The following FRMD3 variants were observed in gnomAD, a reference collection of about 807,000 sequenced individuals.
The protein encoded by FRMD3 is FERM domain containing 3.
In FRMD3, 33 loss-of-function variants were observed where a neutral mutation model predicts 70.2. That is an observed-to-expected ratio of 0.47 (90% CI 0.36 to 0.63). The LOEUF (loss-of-function observed/expected upper bound fraction) is 0.63. FRMD3 is among the 20% of genes least tolerant of loss of function. FRMD3 has a pLI of 0.00. For missense variants in FRMD3, 632 were observed against 711.4 expected (o/e 0.89, Z 1.27); for synonymous variants, 279 against 255.9 (o/e 1.09, Z -0.86).
chr9:83,385,270 A>G (rs1322167902), intron 2 of FRMD3, among the ~76,000 whole-genome samples: 1 of 152,158 alleles, frequency 6.6e-6, no homozygotes, highest in Non-Finnish European at 1.5e-5. Flanking sequence ...TTTCTCTATC[A>G]GTAAAATGGA....
intron 6 of FRMD3, 84 bp downstream of exon 6, chr9:83,335,432 C>T: frequency 7.2e-7 from 1 of 1,388,312 alleles, no homozygotes; most frequent in Non-Finnish European, 9.9e-7. Context: ...AATATTCCTC[C>T]TTCACGATGT....
At chr9:83,492,186 G>T (rs1828842146) in intron 1 of FRMD3, among the ~76,000 whole-genome samples, 1 of 152,158 alleles carries the variant, frequency 6.6e-6, no homozygotes, top group Non-Finnish European at 1.5e-5. Context: ...CCTAACAGAG[G>T]ATGATTTGAT....
chr9:83,435,660 T>G (rs571093575), intron 1 of FRMD3, among the ~76,000 whole-genome samples: 1 of 152,270 alleles, frequency 6.6e-6, no homozygotes, highest in East Asian at 1.9e-4. Context: ...AACCTTTTGT[T>G]TTGTTCCAGT....
At position 83,248,305 on chromosome 9, in the gene FRMD3, ACAGT is replaced by A. The variant is rs1161722686; in HGVS notation, c.1403_1406del (p.Asp468ValfsTer26). 2 of 1,614,192 alleles carry A rather than the reference ACAGT, an allele frequency of 1.2e-6. No individual in the cohort carries two copies. Among genetic ancestry groups the A allele is most frequent in the South Asian group, 2.2e-5 (2 of 91,078 alleles). ...CTCTTTCCAACTCAAGCCTAGAAGG[ACAGT>A]CAAAGAGCATGTCAATCTCATCGTC... On this transcript the variant is annotated frameshift_variant, in exon 14 of 14. Transcript: ENST00000304195. LOFTEE classifies it high-confidence loss of function.
intron 1 of FRMD3, among the ~76,000 whole-genome samples, chr9:83,445,283 G>A (rs557275253): frequency 5.8e-4 from 88 of 151,606 alleles, no homozygotes; most frequent in Non-Finnish European, 9.9e-4. Context: ...GCAGTGAGCC[G>A]AGATCACACC....
At position 83,391,420 on chromosome 9, in the gene FRMD3, T is replaced by C. The variant is rs966823354; in HGVS notation, c.148-1712A>G. Among the ~76,000 whole-genome samples, 19 of 152,138 alleles carry C rather than the reference T, an allele frequency of 1.2e-4. No homozygotes were observed. In the East Asian group the frequency reaches 3.7e-3, roughly 29 times the overall value. ...CATTATCCCCTCACCAAACATAACATAGGAGCTCATCATTTTATGATTGAA... is the reference window on the plus strand; with the variant it reads ...CATTATCCCCTCACCAAACATAACACAGGAGCTCATCATTTTATGATTGAA... On this transcript the variant is annotated intron_variant, in intron 1 of 13. Coordinates refer to ENST00000304195, the MANE Select transcript of FRMD3 (RefSeq NM_174938.6).
At chr9:83,296,824 C>A (rs1439033975) in intron 12 of FRMD3, among the ~76,000 whole-genome samples, 1 of 152,174 alleles carries the variant, frequency 6.6e-6, no homozygotes, top group African/African-American at 2.4e-5. Flanking sequence ...AAGCCTGCTC[C>A]CTTCACCCTT....
chr9:83,478,278 C>T (rs1285350816), intron 1 of FRMD3, among the ~76,000 whole-genome samples: 2 of 152,164 alleles, frequency 1.3e-5, no homozygotes. Flanking sequence ...CAGTTGTTTT[C>T]CTATGGGCTT....
At chr9:83,361,496 A>C (rs1022846643) in intron 3 of FRMD3, among the ~76,000 whole-genome samples, 3 of 152,216 alleles carry the variant, frequency 2.0e-5, no homozygotes, top group African/African-American at 7.2e-5. Flanking sequence ...GAATTGTGCA[A>C]AGCTTTACTG....
intron 1 of FRMD3, among the ~76,000 whole-genome samples, chr9:83,425,730 AC>A (rs72070659): frequency 0.27 from 41,408 of 151,156 alleles, 6,529 homozygotes; most frequent in African/African-American, 0.42. Flanking sequence ...ACATGATGAA[AC>A]CCCCATCTCT....
chr9:83,312,010 TTTAGA>T, intron 7 of FRMD3, 35 bp from the exon 8 acceptor site: 8 of 1,460,336 alleles, frequency 5.5e-6, no homozygotes, highest in Non-Finnish European at 5.6e-6. Flanking sequence ...GAAAAATCTG[TTTAGA>T]TTGAGAAAAA....
the FRMD3 span, among the ~76,000 whole-genome samples, chr9:83,578,178 C>T: frequency 3.5e-3 from 532 of 151,720 alleles, 3 homozygotes; most frequent in East Asian, 0.02. Flanking sequence ...GAGCTGAATC[C>T]GTAATAAAAA....
chr9:83,474,080 T>C (rs1828335151), intron 1 of FRMD3, among the ~76,000 whole-genome samples: 1 of 152,210 alleles, frequency 6.6e-6, no homozygotes, highest in Admixed American at 6.5e-5. Context: ...TTTATATACA[T>C]ACACATTATC....
At chr9:83,498,810 A>G (rs1829000645) in intron 1 of FRMD3, among the ~76,000 whole-genome samples, 1 of 152,170 alleles carries the variant, frequency 6.6e-6, no homozygotes, top group Admixed American at 6.5e-5. Flanking sequence ...CTCTTAGACA[A>G]GACCTTCCAT....
In FRMD3 at chr9:83,514,690, G is replaced by A. The variant is rs537468418; in HGVS notation, c.147+23395C>T. Among the ~76,000 whole-genome samples, 86 of 152,302 alleles carry A rather than the reference G, an allele frequency of 5.6e-4. No homozygotes were observed. The South Asian group carries it at 0.017, about 31-fold the overall frequency. ...GGGGAGACTCCCCCCAGCAAGGGTT[G>A]ACAGACATCCCATACAGGAGCGCTC... is the stretch of plus-strand genomic sequence containing the variant. On this transcript the variant is annotated intron_variant, in intron 1 of 13. Transcript: ENST00000304195.
At chr9:83,548,994 A>G in the FRMD3 span, among the ~76,000 whole-genome samples, 1 of 151,570 alleles carries the variant, frequency 6.6e-6, no homozygotes, top group Non-Finnish European at 1.5e-5. Flanking sequence ...TACATGTGAA[A>G]GTTACATAGA....
intron 1 of FRMD3, among the ~76,000 whole-genome samples, chr9:83,535,328 C>G (rs554909244): frequency 6.6e-6 from 1 of 152,294 alleles, no homozygotes; most frequent in African/African-American, 2.4e-5. Flanking sequence ...GCTAGAGAAA[C>G]CTGTTTGAGT....
chr9:83,514,739 C>T (rs962953984), intron 1 of FRMD3, among the ~76,000 whole-genome samples: 1 of 152,200 alleles, frequency 6.6e-6, no homozygotes, highest in Non-Finnish European at 1.5e-5. Flanking sequence ...GCAGATGCCC[C>T]TCTAAGACAA....
At chr9:83,362,710 T>C (rs930364494) in intron 3 of FRMD3, among the ~76,000 whole-genome samples, 1 of 152,102 alleles carries the variant, frequency 6.6e-6, no homozygotes, top group Non-Finnish European at 1.5e-5. Flanking sequence ...CTATAGAACA[T>C]GCTTAATGCA....
Sources: gnomAD v4.1 joint callset for allele counts (sites outside exome capture counted in the v4.1 genomes callset) on GRCh38, gnomAD v4.1.1 for gene constraint, MANE v1.5 for transcripts, NCBI Gene and HGNC (gene_info 2026-07-23, HGNC 2026-07-21) for gene names.